The following BCAT1 variants were observed in gnomAD, a reference collection of about 807,000 sequenced individuals.
BCAT1 encodes the protein branched chain amino acid transaminase 1, also known as branched-chain-amino-acid aminotransferase, cytosolic.
In BCAT1, 48 loss-of-function variants were observed where a neutral mutation model predicts 52.4. That is an observed-to-expected ratio of 0.92 (90% CI 0.73 to 1.16). BCAT1 has a LOEUF of 1.16. BCAT1 is among the 50% of genes most tolerant of loss of function. The pLI, the probability that BCAT1 is intolerant of heterozygous loss-of-function variation, is 0.00. For synonymous variants in BCAT1, 167 were observed against 161.3 expected (o/e 1.04, Z -0.27); for missense variants, 451 against 457.1 (o/e 0.99, Z 0.12).
At chr12:24,850,180 CA>C (rs1276127580) in intron 5 of BCAT1, among the ~76,000 whole-genome samples, 1 of 152,072 alleles carries the variant, frequency 6.6e-6, no homozygotes, top group East Asian at 1.9e-4. Context: ...AGGATTTTAG[CA>C]AAAAAGCTAG....
chr12:24,903,048 G>A, intron 1 of BCAT1: 2 of 1,395,498 alleles, frequency 1.4e-6, no homozygotes, highest in Non-Finnish European at 1.8e-6. Flanking sequence ...CGCGCGGCTG[G>A]AAGCGAAAGC....
chr12:24,844,078 T>G (rs577182197), intron 6 of BCAT1, among the ~76,000 whole-genome samples: 32 of 152,252 alleles, frequency 2.1e-4, no homozygotes, highest in African/African-American at 7.5e-4. Context: ...ACAAGAAACT[T>G]GGAAATAATT....
intron 7 of BCAT1, among the ~76,000 whole-genome samples, chr12:24,838,961 A>C (rs377386455): frequency 6.6e-6 from 1 of 152,236 alleles, no homozygotes; most frequent in African/African-American, 2.4e-5. Flanking sequence ...AGGTCTGCAT[A>C]AGTGCCCTAA....
intron 5 of BCAT1, among the ~76,000 whole-genome samples, chr12:24,855,707 G>A (rs1397807179): frequency 6.6e-6 from 1 of 152,192 alleles, no homozygotes; most frequent in Non-Finnish European, 1.5e-5. Context: ...ATTTCTTTCT[G>A]AGAAGTCTGG....
chr12:24,857,601 T>C (rs575945390), intron 5 of BCAT1, among the ~76,000 whole-genome samples: 20 of 152,322 alleles, frequency 1.3e-4, no homozygotes, highest in African/African-American at 4.8e-4. Context: ...GATGCCCACA[T>C]TGAGAGGACC....
At chr12:24,844,704 T>G (rs970164405) in intron 6 of BCAT1, among the ~76,000 whole-genome samples, 9 of 150,278 alleles carry the variant, frequency 6.0e-5, no homozygotes, top group Admixed American at 3.3e-4. Flanking sequence ...GAGACCATCC[T>G]GGCTAACACG....
At chr12:24,829,487 T>C (rs1012936187) in intron 10 of BCAT1, among the ~76,000 whole-genome samples, 63 of 152,252 alleles carry the variant, frequency 4.1e-4, no homozygotes, top group African/African-American at 1.4e-3. Flanking sequence ...TCAAATTTTT[T>C]CTTCCTTTTT....
chr12:24,875,225 A>G (rs1283362418), intron 5 of BCAT1, among the ~76,000 whole-genome samples: 1 of 152,174 alleles, frequency 6.6e-6, no homozygotes, highest in East Asian at 1.9e-4. Context: ...AACCTAATGA[A>G]TGATCATTAC....
At chr12:24,866,195 G>A (rs1012862365) in intron 5 of BCAT1, among the ~76,000 whole-genome samples, 3 of 152,218 alleles carry the variant, frequency 2.0e-5, no homozygotes, top group South Asian at 2.1e-4. Flanking sequence ...TGCCAGCCCC[G>A]GGCAGTGAGG....
At chr12:24,916,676 G>A (rs1331415430) in intron 1 of BCAT1, among the ~76,000 whole-genome samples, 1 of 152,124 alleles carries the variant, frequency 6.6e-6, no homozygotes, top group Non-Finnish European at 1.5e-5. Flanking sequence ...GAGTAGCTGG[G>A]ATTACAGGCG....
chr12:24,871,115 C>T (rs1053591516), intron 5 of BCAT1, among the ~76,000 whole-genome samples: 2 of 149,782 alleles, frequency 1.3e-5, no homozygotes, highest in African/African-American at 5.0e-5. Context: ...TGATGCCAGA[C>T]GACAGTGATG....
Position 24,881,347 on chromosome 12 carries a change from A to C in BCAT1, c.344T>G (p.Leu115Arg), listed in dbSNP as rs769689479. 6.2e-7 allele frequency: 1 copy of C among 1,613,406 alleles called. No homozygotes were observed. ...AGAGCGATACATTCTATCCATGTTG[A>C]GGTTTGGCTGAAACAGTCGAATTTT... ...DNKIRLFQPN[L>R]NMDRMYRSAV... Residue 115 changes from leucine (L) to arginine (R), a missense_variant, in exon 4 of 11, where the codon CTC becomes CGC. By Grantham distance (102) the Leu-to-Arg change is moderately radical (BLOSUM62 -2). Coordinates refer to ENST00000261192, the MANE Select transcript of BCAT1 (RefSeq NM_005504.7).
At chr12:24,831,563 C>T (rs753317379) in intron 9 of BCAT1, among the ~76,000 whole-genome samples, 4 of 152,108 alleles carry the variant, frequency 2.6e-5, no homozygotes, top group Non-Finnish European at 5.9e-5. Context: ...GTGAGAGGAT[C>T]GCTTGAGCTT....
intron 1 of BCAT1, among the ~76,000 whole-genome samples, chr12:24,941,662 T>G (rs1167696739): frequency 2.6e-5 from 4 of 152,230 alleles, no homozygotes; most frequent in Non-Finnish European, 5.9e-5. Flanking sequence ...AATATCTTTT[T>G]GGGGCAAGGT....
intron 1 of BCAT1, among the ~76,000 whole-genome samples, chr12:24,915,800 G>C (rs573586292): frequency 6.0e-4 from 91 of 152,318 alleles, no homozygotes; most frequent in Non-Finnish European, 1.0e-3. Context: ...ATTTTCTACA[G>C]GGATGGCTCT....
chr12:24,902,832 A>C, intron 1 of BCAT1: 1 of 1,393,870 alleles, frequency 7.2e-7, no homozygotes, highest in Non-Finnish European at 9.5e-7. Context: ...AATGGAGGGC[A>C]AGGCGAAGGA....
chr12:24,849,994 A>G, intron 5 of BCAT1, 45 bp from the exon 6 acceptor site: 1 of 1,513,632 alleles, frequency 6.6e-7, no homozygotes, highest in Non-Finnish European at 9.0e-7. Context: ...TAAAATGTGG[A>G]CACCAGTCTT....
At chr12:24,833,258 C>G (rs1242397592) in intron 8 of BCAT1, among the ~76,000 whole-genome samples, 1 of 152,154 alleles carries the variant, frequency 6.6e-6, no homozygotes, top group East Asian at 1.9e-4. Flanking sequence ...GTGGCTCATG[C>G]CTGTAATCTC....
intron 7 of BCAT1, among the ~76,000 whole-genome samples, chr12:24,836,825 G>A (rs1252138606): frequency 2.0e-4 from 24 of 122,696 alleles, no homozygotes; most frequent in Admixed American, 4.4e-4. Flanking sequence ...AAGGAAAGAA[G>A]GAAGGAAGGA....
Sources: gnomAD v4.1 joint callset for allele counts (sites outside exome capture counted in the v4.1 genomes callset) on GRCh38, gnomAD v4.1.1 for gene constraint, MANE v1.5 for transcripts, NCBI Gene and HGNC (gene_info 2026-07-23, HGNC 2026-07-21) for gene names.